Variants in KCNN2 observed in about 807,000 individuals in gnomAD.
KCNN2 encodes potassium calcium-activated channel subfamily N member 2, also known as small conductance calcium-activated potassium channel protein 2.
KCNN2 carries 24 observed loss-of-function variants against 55.5 expected under a neutral mutation model. That is an observed-to-expected ratio of 0.43 (90% confidence interval 0.31 to 0.61). The LOEUF is 0.61. Among genes scored for constraint, KCNN2 ranks in the 20% least tolerant of loss-of-function variants. KCNN2 has a pLI of 0.08. For synonymous variants in KCNN2, 431 were observed against 336.1 expected (o/e 1.28, Z -3.09); for missense variants, 754 against 853.6 (o/e 0.88, Z 1.45).
intron 1 of KCNN2, among the ~76,000 whole-genome samples, chr5:114,099,217 G>A (rs956879471): frequency 1.3e-5 from 2 of 151,904 alleles, no homozygotes; most frequent in African/African-American, 4.8e-5. Flanking sequence ...TCCAATTTGG[G>A]GCCAGTCACA....
At position 114,074,293 on chromosome 5, in the gene KCNN2, C is replaced by CGTGTGTGT. The variant is rs371882287; in HGVS notation, c.-271+17823_-271+17830dup. On this transcript the variant is annotated intron_variant, in intron 1 of 10. Coordinates refer to the KCNN2 transcript ENST00000512097. ...TTATGAATTTTAAAGGCCATGTTTG[C>CGTGTGTGT]GTGTGTGTGTGTGTGTGTGTGTGTG... Among the ~76,000 whole-genome samples the CGTGTGTGT allele has an allele frequency of 2.9e-3, 419 of 144,578 alleles. 2 individuals carry two copies. The highest frequency in any genetic ancestry group is 0.018 in the Middle Eastern group (5 of 276). The allele number at this position is 144,578 out of a possible 152,430, so 94.8% of individuals were successfully genotyped here.
intron 1 of KCNN2, among the ~76,000 whole-genome samples, chr5:114,059,262 GAA>G (rs1358287041): frequency 1.3e-5 from 2 of 152,194 alleles, no homozygotes; most frequent in Admixed American, 6.5e-5. Context: ...ACAAAGAAGA[GAA>G]AGAGCAGGGA....
chr5:114,468,440 G>A (rs1761556137), intron 4 of KCNN2, among the ~76,000 whole-genome samples: 1 of 151,710 alleles, frequency 6.6e-6, no homozygotes, highest in African/African-American at 2.4e-5. Context: ...CTTTTGGAGG[G>A]CAAGCTGATT....
At chr5:114,490,222 A>T (rs1000214279) in intron 6 of KCNN2, among the ~76,000 whole-genome samples, 7 of 152,316 alleles carry the variant, frequency 4.6e-5, no homozygotes, top group Admixed American at 3.3e-4. Flanking sequence ...CTTGATTTGT[A>T]TATCATGAGA....
intron 2 of KCNN2, among the ~76,000 whole-genome samples, chr5:114,278,732 G>A (rs2150011787): frequency 6.6e-6 from 1 of 152,334 alleles, no homozygotes; most frequent in Non-Finnish European, 1.5e-5. Flanking sequence ...GGAAAGTGCA[G>A]TATTTGGGCA....
At chr5:114,200,979 T>C (rs747241244) in intron 1 of KCNN2, among the ~76,000 whole-genome samples, 8 of 152,192 alleles carry the variant, frequency 5.3e-5, no homozygotes, top group South Asian at 2.1e-4. Context: ...GGGTACTAGA[T>C]AGCTAATTCC....
intron 1 of KCNN2, among the ~76,000 whole-genome samples, chr5:114,173,801 T>A (rs1008813678): frequency 6.6e-6 from 1 of 151,968 alleles, no homozygotes; most frequent in African/African-American, 2.4e-5. Context: ...TTATTTTTCA[T>A]CAATCATCAT....
At chr5:114,356,461 T>C (rs193003015) in intron 2 of KCNN2, among the ~76,000 whole-genome samples, 1 of 152,176 alleles carries the variant, frequency 6.6e-6, no homozygotes, top group African/African-American at 2.4e-5. Context: ...GATTTCTACC[T>C]GTTCACCCAT....
chr5:114,101,269 C>T (rs961806600), intron 1 of KCNN2, among the ~76,000 whole-genome samples: 7 of 151,492 alleles, frequency 4.6e-5, no homozygotes, highest in Non-Finnish European at 1.0e-4. Context: ...AATAGTCATC[C>T]ATCCCATAAA....
intron 1 of KCNN2, among the ~76,000 whole-genome samples, chr5:114,177,768 T>C (rs991715487): frequency 1.3e-5 from 2 of 152,128 alleles, no homozygotes; most frequent in African/African-American, 4.8e-5. Context: ...ATCAAGGCAT[T>C]GCAATCCTAG....
chr5:114,305,677 C>A (rs1756254809), intron 2 of KCNN2, among the ~76,000 whole-genome samples: 1 of 152,144 alleles, frequency 6.6e-6, no homozygotes, highest in Non-Finnish European at 1.5e-5. Flanking sequence ...TCCACACATA[C>A]ATACACACAC....
chr5:114,085,918 C>A (rs975033334), intron 1 of KCNN2, among the ~76,000 whole-genome samples: 1 of 152,024 alleles, frequency 6.6e-6, no homozygotes, highest in African/African-American at 2.4e-5. Context: ...TCATTTGGTA[C>A]ATACACACTG....
chr5:114,074,329 T>TGTGC (rs1200712655), intron 1 of KCNN2, among the ~76,000 whole-genome samples: 8,066 of 138,410 alleles, frequency 0.058, 248 homozygotes, highest in Non-Finnish European at 0.07. Context: ...TGTGTGTGTG[T>TGTGC]GCGCGCGCGC....
intron 2 of KCNN2, among the ~76,000 whole-genome samples, chr5:114,240,554 C>T (rs1219746349): frequency 6.6e-6 from 1 of 151,524 alleles, no homozygotes; most frequent in Non-Finnish European, 1.5e-5. Context: ...GTCTTAGCCT[C>T]CTGAGTAGCT....
chr5:114,319,737 C>G (rs922701787), intron 2 of KCNN2, among the ~76,000 whole-genome samples: 3 of 152,190 alleles, frequency 2.0e-5, no homozygotes, highest in African/African-American at 7.2e-5. Context: ...AGATATAATG[C>G]TTGATAATGT....
chr5:114,193,043 T>G (rs1214311959), intron 1 of KCNN2, among the ~76,000 whole-genome samples: 2 of 152,162 alleles, frequency 1.3e-5, no homozygotes, highest in Admixed American at 6.6e-5. Context: ...CAAATAAAAA[T>G]ACGTCCCTGA....
chr5:114,354,872 A>G (rs1051140160), intron 2 of KCNN2, among the ~76,000 whole-genome samples: 13 of 152,192 alleles, frequency 8.5e-5, no homozygotes, highest in African/African-American at 2.9e-4. Context: ...ATTATTGTAC[A>G]TTAATAATTA....
intron 3 of KCNN2, among the ~76,000 whole-genome samples, chr5:114,432,968 C>T (rs1307589272): frequency 2.0e-5 from 3 of 152,174 alleles, no homozygotes; most frequent in Admixed American, 2.0e-4. Flanking sequence ...CTCCCACCCC[C>T]TCCATGGGCT....
At chr5:114,263,736 A>C (rs1335632089) in intron 2 of KCNN2, among the ~76,000 whole-genome samples, 1 of 152,176 alleles carries the variant, frequency 6.6e-6, no homozygotes, top group Admixed American at 6.5e-5. Context: ...TGATTCCATT[A>C]GCTAAAATAT....
Sources: allele counts gnomAD v4.1 joint callset (sites outside exome capture counted in the v4.1 genomes callset), GRCh38; gene constraint gnomAD v4.1.1; transcripts MANE v1.5; gene names NCBI Gene and HGNC (gene_info 2026-07-23, HGNC 2026-07-21).